MYZAP: variants seen among roughly 807,000 people sequenced by gnomAD.
MYZAP encodes the protein myocardial zonula adherens protein.
MYZAP carries 66 observed loss-of-function variants against 69.4 expected under a neutral mutation model. The observed-to-expected ratio is 0.95, with a 90% confidence interval of 0.78 to 1.17. The LOEUF (loss-of-function observed/expected upper bound fraction) is 1.17, where lower values mean the gene tolerates loss of function less well. Ranked by LOEUF, MYZAP falls within the 50% of genes most tolerant of loss-of-function variation. The probability of loss-of-function intolerance (pLI) is 0.00; values close to 1 mark genes in which losing one functional copy is unlikely to be tolerated. For missense variants in MYZAP, 611 were observed against 556.2 expected (o/e 1.10, Z -0.99); for synonymous variants, 256 against 205.9 (o/e 1.24, Z -2.09).
chr15:57,662,142 A>T (rs1045346825), intron 11 of MYZAP, among the ~76,000 whole-genome samples: 2 of 152,046 alleles, frequency 1.3e-5, no homozygotes, highest in Non-Finnish European at 2.9e-5. Flanking sequence ...TCATTTGGGG[A>T]TTTTGTATAT....
intron 2 of MYZAP, among the ~76,000 whole-genome samples, chr15:57,609,183 G>A (rs1017863571): frequency 2.0e-5 from 3 of 152,186 alleles, no homozygotes; most frequent in Non-Finnish European, 4.4e-5. Context: ...AAGCCTAGGT[G>A]GCTGCCTTGC....
chr15:57,610,716 G>A (rs2035050712), intron 2 of MYZAP, among the ~76,000 whole-genome samples: 1 of 152,150 alleles, frequency 6.6e-6, no homozygotes, highest in South Asian at 2.1e-4. Context: ...AGGTGCAGCG[G>A]GTGGAGCTGA....
At position 57,594,603 on chromosome 15, in the gene MYZAP, A is replaced by G. The variant is rs559077578; in HGVS notation, c.75+2494A>G. Among the ~76,000 whole-genome samples, 110 of 152,200 alleles carry G rather than the reference A, an allele frequency of 7.2e-4. 1 individual carries two copies. Among genetic ancestry groups the G allele is most frequent in the Non-Finnish European group, 1.5e-3 (100 of 68,044 alleles). On this transcript the variant is annotated intron_variant, in intron 1 of 12. Coordinates refer to ENST00000267853, the MANE Select transcript of MYZAP (RefSeq NM_001018100.5). ...ATGACGGTGGTTGGAATGGTAGGCTATCTCATATCGCCTAGGTGTGTGGTA... is the reference window on the plus strand; with the variant it reads ...ATGACGGTGGTTGGAATGGTAGGCTGTCTCATATCGCCTAGGTGTGTGGTA...
intron 6 of MYZAP, among the ~76,000 whole-genome samples, chr15:57,630,634 C>G (rs2036447788): frequency 2.0e-5 from 3 of 152,162 alleles, no homozygotes. Flanking sequence ...AGCTGAACTT[C>G]TAATGCCCTA....
chr15:57,683,581 C>T (rs1174771900), intron 12 of MYZAP, among the ~76,000 whole-genome samples: 3 of 152,118 alleles, frequency 2.0e-5, no homozygotes, highest in Admixed American at 6.5e-5. Context: ...TTTAACCTGT[C>T]GTAGTCTGTT....
intron 12 of MYZAP, among the ~76,000 whole-genome samples, chr15:57,678,041 C>CAAAAA (rs56102709): frequency 3.4e-4 from 40 of 116,220 alleles, no homozygotes; most frequent in African/African-American, 1.3e-3. Context: ...TTATCTCTAC[C>CAAAAA]AAAAAAAAAA....
At chr15:57,667,084 T>A (rs1339716441) in intron 11 of MYZAP, among the ~76,000 whole-genome samples, 2 of 152,098 alleles carry the variant, frequency 1.3e-5, no homozygotes, top group African/African-American at 2.4e-5. Context: ...AGGAAAGGAG[T>A]CAAATGTCTT....
At chr15:57,632,599 T>A in intron 7 of MYZAP, 40 bp downstream of exon 7, 1 of 1,610,878 alleles carries the variant, frequency 6.2e-7, no homozygotes, top group Non-Finnish European at 8.5e-7. Flanking sequence ...TTACCGGGAA[T>A]TGTTGGTTCA....
intron 1 of MYZAP, among the ~76,000 whole-genome samples, chr15:57,594,476 T>A (rs1219128048): frequency 6.6e-6 from 1 of 152,170 alleles, no homozygotes; most frequent in African/African-American, 2.4e-5. Flanking sequence ...GAATTGACAT[T>A]ATTGGGATAC....
Position 57,605,092 on chromosome 15 carries a change from G to A in MYZAP, c.162+737G>A, listed in dbSNP as rs140205213. On this transcript the variant is annotated intron_variant, in intron 2 of 12. Transcript: ENST00000267853. ...GCTGACCTCTAGGCCTGTGGTCCTG[G>A]CCGACCCATTTTACTCATTCATAAT... Among the ~76,000 whole-genome samples, 13 of 152,252 alleles carry A rather than the reference G, an allele frequency of 8.5e-5. No individual in the cohort carries two copies. The East Asian group carries it at 1.4e-3, about 16-fold the overall frequency.
chr15:57,679,907 T>C (rs11853270), intron 12 of MYZAP, among the ~76,000 whole-genome samples: 15,671 of 152,238 alleles, frequency 0.1, 1,039 homozygotes, highest in Middle Eastern at 0.18. Flanking sequence ...GCGCCATCTC[T>C]TTCTTCAAAG....
chr15:57,621,581 TCTAA>T lies in MYZAP; in HGVS notation c.319-23_319-20del, dbSNP rs758650024. 1.3e-5 allele frequency: 21 copies of T among 1,609,304 alleles called. No homozygotes were observed. The African/African-American group carries it at 2.5e-4, about 19-fold the overall frequency. On this transcript the variant is annotated intron_variant, in intron 3 of 12. Coordinates refer to ENST00000267853, the MANE Select transcript of MYZAP (RefSeq NM_001018100.5). ...TGTATGAAAATGTTATGGCTTGATCTCTAACTAGTATCTTTGTGGGCTACAGGTG... is the reference window on the plus strand; with the variant it reads ...TGTATGAAAATGTTATGGCTTGATCTCTAGTATCTTTGTGGGCTACAGGTG...
intron 1 of MYZAP, among the ~76,000 whole-genome samples, chr15:57,600,984 C>T (rs572389360): frequency 1.3e-5 from 2 of 151,930 alleles, no homozygotes; most frequent in African/African-American, 4.8e-5. Context: ...GGCCTGAGGT[C>T]GGAGAATCAC....
At chr15:57,638,508 A>G (rs1182912113) in intron 9 of MYZAP, among the ~76,000 whole-genome samples, 1 of 152,056 alleles carries the variant, frequency 6.6e-6, no homozygotes, top group African/African-American at 2.4e-5. Flanking sequence ...CTCATTTGCA[A>G]TTTCAGAGTT....
intron 4 of MYZAP, among the ~76,000 whole-genome samples, chr15:57,623,645 A>T (rs530842247): frequency 2.3e-4 from 35 of 152,158 alleles, no homozygotes; most frequent in African/African-American, 8.0e-4. Context: ...AGGCAGGAGA[A>T]TCACTTGAGC....
intron 3 of MYZAP, among the ~76,000 whole-genome samples, chr15:57,618,933 G>T (rs993166191): frequency 2.0e-5 from 3 of 152,184 alleles, no homozygotes; most frequent in Non-Finnish European, 4.4e-5. Context: ...GGCTTAGAAA[G>T]TGCTTGTAAG....
chr15:57,618,021 A>C lies in MYZAP; in HGVS notation c.163-12A>C. ...GTCATTATTCTTTTTTTCTTTTCCT[A>C]CTTTCTTTTAGCTTCTTGACCTGAG... On this transcript the variant is annotated splice_polypyrimidine_tract_variant and intron_variant, in intron 2 of 12. Transcript: ENST00000267853. The C allele has an allele frequency of 6.2e-7, 1 of 1,605,256 alleles. No homozygotes were observed. The highest frequency in any genetic ancestry group is 8.5e-7 in the Non-Finnish European group (1 of 1,177,764).
intron 10 of MYZAP, among the ~76,000 whole-genome samples, chr15:57,658,297 G>A (rs75685407): frequency 1.7e-3 from 251 of 152,038 alleles, no homozygotes; most frequent in African/African-American, 5.5e-3. Context: ...ACACTTCACC[G>A]TGCATCTCTG....
intron 1 of MYZAP, among the ~76,000 whole-genome samples, chr15:57,597,844 GC>G (rs1441214202): frequency 1.3e-5 from 2 of 152,196 alleles, no homozygotes; most frequent in Non-Finnish European, 2.9e-5. Context: ...TGTTCCGCAT[GC>G]AGCCTGCTGC....
Sources: gnomAD v4.1 joint callset for allele counts (sites outside exome capture counted in the v4.1 genomes callset) on GRCh38, gnomAD v4.1.1 for gene constraint, MANE v1.5 for transcripts, NCBI Gene and HGNC (gene_info 2026-07-23, HGNC 2026-07-21) for gene names.